The following CHST9 variants were observed in gnomAD, a reference collection of about 807,000 sequenced individuals.
CHST9 encodes the protein carbohydrate sulfotransferase 9.
In CHST9, 41 loss-of-function variants were observed where a neutral mutation model predicts 44.4. The ratio of observed to expected loss-of-function variants is 0.92; its 90% CI spans 0.72 to 1.20. The LOEUF is 1.20. Among genes scored for constraint, CHST9 ranks in the 50% most tolerant of loss-of-function variants. The pLI is 0.00. For synonymous variants in CHST9, 171 were observed against 178.4 expected, an observed-to-expected ratio of 0.96 and a Z score of 0.33; for missense variants, 504 against 516.5, an observed-to-expected ratio of 0.98 and a Z score of 0.23.
At chr18:27,168,691 G>A (rs1326199170) in intron 1 of CHST9, among the ~76,000 whole-genome samples, 1 of 152,128 alleles carries the variant, frequency 6.6e-6, no homozygotes, top group African/African-American at 2.4e-5. Context: ...GGTCTCTGTG[G>A]TAGATAGAAT....
chr18:27,173,065 T>C (rs967429842), intron 1 of CHST9, among the ~76,000 whole-genome samples: 1 of 152,094 alleles, frequency 6.6e-6, no homozygotes, highest in African/African-American at 2.4e-5. Flanking sequence ...AACATTTATT[T>C]TGAGGTTAAA....
rs547704502 is a variant in CHST9 at position 26,933,946 on chromosome 18, T to C, written c.240+10383A>G. On this transcript the variant is annotated intron_variant, in intron 5 of 5. Transcript: ENST00000618847. ...TGAGGAGAAGCTACTAGGGCTGAGATCTTAATGACAACAAGGAACCCAAGG... is the reference window on the plus strand; with the variant it reads ...TGAGGAGAAGCTACTAGGGCTGAGACCTTAATGACAACAAGGAACCCAAGG... Among the ~76,000 whole-genome samples, 79 of 152,270 alleles carry C rather than the reference T, an allele frequency of 5.2e-4. 1 individual carries two copies. The South Asian group carries it at 6.4e-3, about 12-fold the overall frequency.
Position 26,996,663 on chromosome 18 carries a change from A to G in CHST9, c.202+27453T>C, listed in dbSNP as rs148267571. ...GAGAATGGGCAGTTTCATAATTTTC[A>G]GACAGGCCTGAGGATACAGACTCTA... On this transcript the variant is annotated intron_variant, in intron 4 of 5. Transcript: ENST00000618847. Among the ~76,000 whole-genome samples, 583 of 152,314 alleles carry G rather than the reference A, an allele frequency of 3.8e-3. 4 individuals are homozygous for G. Among genetic ancestry groups the G allele is most frequent in the African/African-American group, 0.014 (568 of 41,570 alleles).
intron 4 of CHST9, among the ~76,000 whole-genome samples, chr18:26,955,172 G>T (rs1156335005): frequency 7.3e-5 from 11 of 151,184 alleles, no homozygotes; most frequent in African/African-American, 2.4e-4. Flanking sequence ...GTTCCCAACT[G>T]ATTTTCCAAA....
At chr18:27,000,110 CT>C (rs1318936168) in intron 4 of CHST9, among the ~76,000 whole-genome samples, 3 of 152,168 alleles carry the variant, frequency 2.0e-5, no homozygotes, top group African/African-American at 4.8e-5. Flanking sequence ...GGAACAGATT[CT>C]AAATGATATC....
intron 5 of CHST9, among the ~76,000 whole-genome samples, chr18:26,924,401 T>A (rs2055723740): frequency 6.6e-6 from 1 of 152,066 alleles, no homozygotes; most frequent in African/African-American, 2.4e-5. Context: ...CCTCTTGAGT[T>A]TAAGGTGCCT....
intron 2 of CHST9, among the ~76,000 whole-genome samples, chr18:27,066,654 C>T (rs2057785495): frequency 6.6e-6 from 1 of 152,142 alleles, no homozygotes; most frequent in Non-Finnish European, 1.5e-5. Context: ...AAATCATTCA[C>T]ATTTCCTACA....
chr18:27,089,444 T>C lies in CHST9; in HGVS notation c.122-40941A>G, dbSNP rs541921002. Among the ~76,000 whole-genome samples the C allele has an allele frequency of 5.9e-5, 9 of 152,334 alleles. No individual in the cohort carries two copies. In the East Asian group the frequency reaches 1.2e-3, roughly 20 times the overall value. On this transcript the variant is annotated intron_variant, in intron 2 of 5. Transcript: ENST00000618847. ...GAATGATGGTTTCCAGCTTCATCCATGTCCCTGCAGAGGACAAGAACTCAT... is the reference window on the plus strand; with the variant it reads ...GAATGATGGTTTCCAGCTTCATCCACGTCCCTGCAGAGGACAAGAACTCAT...
intron 1 of CHST9, among the ~76,000 whole-genome samples, chr18:27,183,073 C>G (rs2058926018): frequency 6.6e-6 from 1 of 151,182 alleles, no homozygotes; most frequent in South Asian, 2.1e-4. Flanking sequence ...CAGGAGGGCC[C>G]TGCAGCTGCA....
chr18:26,964,686 G>A (rs1294606918), intron 4 of CHST9, among the ~76,000 whole-genome samples: 1 of 152,252 alleles, frequency 6.6e-6, no homozygotes, highest in Non-Finnish European at 1.5e-5. Flanking sequence ...CTTGTCCACT[G>A]TGTGTGCTAC....
chr18:26,949,089 T>C (rs949868183), intron 4 of CHST9, among the ~76,000 whole-genome samples: 3 of 151,868 alleles, frequency 2.0e-5, no homozygotes, highest in Non-Finnish European at 4.4e-5. Context: ...GAAAGATGAA[T>C]TGAGTGGTGG....
At chr18:26,941,386 G>T (rs143794713) in intron 5 of CHST9, among the ~76,000 whole-genome samples, 188 of 152,134 alleles carry the variant, frequency 1.2e-3, no homozygotes, top group African/African-American at 4.3e-3. Context: ...AACATAAAAG[G>T]TTTTAATTGT....
At chr18:26,969,488 C>G (rs1390762397) in intron 4 of CHST9, among the ~76,000 whole-genome samples, 4 of 151,942 alleles carry the variant, frequency 2.6e-5, no homozygotes, top group African/African-American at 9.7e-5. Context: ...GGCAATTAAG[C>G]TCCCAGATAA....
In CHST9 at chr18:26,913,355, A is replaced by G. The variant is rs2055467984; in HGVS notation, c.*2904T>C. On this transcript the variant is annotated 3_prime_UTR_variant, in exon 6 of 6. Coordinates refer to ENST00000618847, the MANE Select transcript of CHST9 (RefSeq NM_031422.6). ...CATCACATTTCCATTGAATTAATGG[A>G]TATTTCCAAATGTTTGAGAAAATCC... is the stretch of plus-strand genomic sequence containing the variant. 1.3e-5 allele frequency: 2 copies of G among 152,200 alleles called. No individual in the cohort carries two copies. The highest frequency in any genetic ancestry group is 4.8e-5 in the African/African-American group (2 of 41,448). 9.4% of individuals were successfully genotyped at this position (152,200 alleles called of 1,614,324 possible). A position where few individuals can be genotyped will look rare whatever the true frequency, so the allele number is the denominator to read the frequency against.
intron 2 of CHST9, among the ~76,000 whole-genome samples, chr18:27,103,488 A>C (rs2143757609): frequency 6.6e-6 from 1 of 152,340 alleles, no homozygotes. Context: ...AAGGTGAATG[A>C]AAATCTACTC....
intron 4 of CHST9, among the ~76,000 whole-genome samples, chr18:26,978,089 GTT>G (rs34357394): frequency 2.0e-5 from 3 of 147,118 alleles, no homozygotes; most frequent in African/African-American, 2.5e-5. Context: ...TTTTCCTGTG[GTT>G]TTTTTTTTTC....
At position 26,963,982 on chromosome 18, in the gene CHST9, T is replaced by C. The variant is rs143624723; in HGVS notation, c.203-19616A>G. 5.3e-3 allele frequency among the ~76,000 whole-genome samples: 811 copies of C among 152,354 alleles called. 8 individuals are homozygous for C. The highest frequency in any genetic ancestry group is 0.019 in the African/African-American group (781 of 41,576). On this transcript the variant is annotated intron_variant, in intron 4 of 5. Coordinates refer to ENST00000618847, the MANE Select transcript of CHST9 (RefSeq NM_031422.6). ...TTAAGAAGGAAAGAAAAAGTGATTA[T>C]GTAATCTAAATATTTGTAGCCAGGG...
At chr18:27,163,237 C>T (rs1021327198) in intron 1 of CHST9, among the ~76,000 whole-genome samples, 93 of 152,304 alleles carry the variant, frequency 6.1e-4, no homozygotes, top group Non-Finnish European at 8.4e-4. Flanking sequence ...GGGGGTGCCT[C>T]CCAGTTAGGC....
At chr18:26,936,068 TA>T (rs2055985384) in intron 5 of CHST9, 1 of 152,188 alleles carries the variant, frequency 6.6e-6, no homozygotes, top group African/African-American at 2.4e-5. Context: ...AATGCAGACA[TA>T]CGCAAAAGGA....
Sources: gnomAD v4.1 joint callset for allele counts (sites outside exome capture counted in the v4.1 genomes callset) on GRCh38, gnomAD v4.1.1 for gene constraint, MANE v1.5 for transcripts, NCBI Gene and HGNC (gene_info 2026-07-23, HGNC 2026-07-21) for gene names.